CSMD1: variants seen among roughly 807,000 people sequenced by gnomAD.
CSMD1 encodes CUB and Sushi multiple domains 1.
A neutral mutation model predicts 417.5 loss-of-function variants in CSMD1; 213 were observed. The ratio of observed to expected loss-of-function variants is 0.51; its 90% confidence interval spans 0.46 to 0.57. The LOEUF is 0.57. Ranked by LOEUF, CSMD1 falls within the 20% of genes least tolerant of loss-of-function variation. The probability of loss-of-function intolerance (pLI) is 0.00; values close to 1 mark genes in which losing one functional copy is unlikely to be tolerated. For missense variants in CSMD1, 6,923 were observed against 4,529.7 expected, an observed-to-expected ratio of 1.53 and a Z score of -15.17; for synonymous variants, 2,862 against 1,736.8, an observed-to-expected ratio of 1.65 and a Z score of -16.11.
chr8:4,253,032 T>C (rs1803190325), intron 3 of CSMD1, among the ~76,000 whole-genome samples: 1 of 152,122 alleles, frequency 6.6e-6, no homozygotes, highest in African/African-American at 2.4e-5. Context: ...CTGAACAAAA[T>C]TTTTCATGTG....
intron 26 of CSMD1, among the ~76,000 whole-genome samples, chr8:3,232,909 A>T (rs950575615): frequency 6.6e-6 from 1 of 151,666 alleles, no homozygotes; most frequent in African/African-American, 2.4e-5. Flanking sequence ...TCTCTTCCTA[A>T]TTACATGCAT....
intron 2 of CSMD1, among the ~76,000 whole-genome samples, chr8:4,529,797 T>G (rs990746692): frequency 6.6e-6 from 1 of 151,898 alleles, no homozygotes. Context: ...TAGAAAATCT[T>G]TAGGTACAAA....
intron 7 of CSMD1, among the ~76,000 whole-genome samples, chr8:3,631,671 T>A (rs923100655): frequency 6.6e-6 from 1 of 152,208 alleles, no homozygotes; most frequent in Non-Finnish European, 1.5e-5. Context: ...GGTGGAATAA[T>A]GGAAGATTGA....
intron 10 of CSMD1, among the ~76,000 whole-genome samples, chr8:3,562,167 G>A (rs1254377769): frequency 6.6e-6 from 1 of 152,014 alleles, no homozygotes; most frequent in Non-Finnish European, 1.5e-5. Context: ...AAATAATACA[G>A]TAGTAGGTGG....
chr8:4,774,769 T>A lies in CSMD1; in HGVS notation c.86-137211A>T, dbSNP rs138418924. ...TAACAGACTTCCCAGGAGACCTTGT[T>A]GTTTAAAAGCCTGTAGCACCTCCCC... On this transcript the variant is annotated intron_variant, in intron 1 of 69. Transcript: ENST00000635120. 3.5e-3 allele frequency among the ~76,000 whole-genome samples: 537 copies of A among 152,256 alleles called. 4 individuals carry two copies. Among genetic ancestry groups the A allele is most frequent in the African/African-American group, 0.012 (510 of 41,550 alleles).
chr8:4,231,956 CCTTT>C (rs1164918079), intron 3 of CSMD1, among the ~76,000 whole-genome samples: 8 of 152,130 alleles, frequency 5.3e-5, no homozygotes, highest in Non-Finnish European at 7.3e-5. Context: ...TCTACCTCCT[CCTTT>C]CTTTCTTTTG....
intron 3 of CSMD1, among the ~76,000 whole-genome samples, chr8:4,168,082 T>G (rs545549294): frequency 6.6e-6 from 1 of 151,144 alleles, no homozygotes; most frequent in African/African-American, 2.4e-5. Flanking sequence ...GGAGCTGAAA[T>G]CGCACCACTG....
intron 1 of CSMD1, among the ~76,000 whole-genome samples, chr8:4,936,048 T>C (rs1807599404): frequency 6.6e-6 from 1 of 152,146 alleles, no homozygotes; most frequent in Admixed American, 6.5e-5. Context: ...GAAGACTTAA[T>C]CAAAGAAACA....
chr8:4,469,913 G>C (rs1158120475), intron 2 of CSMD1, among the ~76,000 whole-genome samples: 1 of 151,390 alleles, frequency 6.6e-6, no homozygotes, highest in East Asian at 2.0e-4. Flanking sequence ...TGTCGCCCTG[G>C]CTGGAGTGCA....
chr8:4,032,560 T>G (rs1797403789), intron 3 of CSMD1, among the ~76,000 whole-genome samples: 1 of 152,148 alleles, frequency 6.6e-6, no homozygotes, highest in South Asian at 2.1e-4. Context: ...ACAGTGTCTG[T>G]TACACATCAT....
At chr8:4,943,472 G>T (rs936080927) in intron 1 of CSMD1, among the ~76,000 whole-genome samples, 6 of 150,266 alleles carry the variant, frequency 4.0e-5, no homozygotes, top group Non-Finnish European at 5.9e-5. Flanking sequence ...CTCCAGCTTG[G>T]GGGACAGAGT....
At chr8:4,139,547 GA>G (rs1803651759) in intron 3 of CSMD1, among the ~76,000 whole-genome samples, 1 of 151,050 alleles carries the variant, frequency 6.6e-6, no homozygotes, top group Non-Finnish European at 1.5e-5. Context: ...CATCCTGCAC[GA>G]CGATCTGCAT....
intron 12 of CSMD1, among the ~76,000 whole-genome samples, chr8:3,415,427 A>T (rs1813067867): frequency 6.6e-6 from 1 of 152,202 alleles, no homozygotes; most frequent in African/African-American, 2.4e-5. Flanking sequence ...GCACGATCTC[A>T]GCTCACTGTA....
At chr8:3,524,050 C>T (rs1215751879) in intron 10 of CSMD1, among the ~76,000 whole-genome samples, 16 of 144,556 alleles carry the variant, frequency 1.1e-4, no homozygotes, top group Non-Finnish European at 2.2e-4. Flanking sequence ...CCCAGAGACA[C>T]GTGCACACAC....
intron 2 of CSMD1, among the ~76,000 whole-genome samples, chr8:4,632,485 C>T (rs988489820): frequency 2.0e-5 from 3 of 152,150 alleles, no homozygotes; most frequent in Non-Finnish European, 1.5e-5. Flanking sequence ...GCACTCCAGC[C>T]TGGGTGACAA....
intron 17 of CSMD1, among the ~76,000 whole-genome samples, chr8:3,394,055 T>TAA (rs1811540289): frequency 3.6e-5 from 4 of 112,372 alleles, no homozygotes; most frequent in Non-Finnish European, 7.5e-5. Flanking sequence ...TATATATATA[T>TAA]AGAAAAAAAG....
At chr8:4,073,057 A>G (rs530599924) in intron 3 of CSMD1, among the ~76,000 whole-genome samples, 10 of 152,290 alleles carry the variant, frequency 6.6e-5, no homozygotes, top group Non-Finnish European at 1.2e-4. Flanking sequence ...ATGATAGTCA[A>G]TATTCATTCT....
chr8:4,228,470 G>C (rs774163600), intron 3 of CSMD1, among the ~76,000 whole-genome samples: 1 of 151,916 alleles, frequency 6.6e-6, no homozygotes, highest in African/African-American at 2.4e-5. Context: ...GCACCACACA[G>C]CTTCCACTGT....
chr8:4,277,629 C>G (rs1034666805), intron 3 of CSMD1, among the ~76,000 whole-genome samples: 4 of 152,164 alleles, frequency 2.6e-5, no homozygotes, highest in African/African-American at 9.7e-5. Flanking sequence ...CCCTTTCTCA[C>G]AAGGATATGC....
Sources: allele counts gnomAD v4.1 joint callset (sites outside exome capture counted in the v4.1 genomes callset), GRCh38; gene constraint gnomAD v4.1.1; transcripts MANE v1.5; gene names NCBI Gene and HGNC (gene_info 2026-07-23, HGNC 2026-07-21).